Variants in PYHIN1 observed in about 807,000 individuals in gnomAD.
PYHIN1 encodes the protein pyrin and HIN domain-containing protein 1.
PYHIN1 carries 32 observed loss-of-function variants against 43.7 expected under a neutral mutation model. That is an observed-to-expected ratio of 0.73 (90% CI 0.55 to 0.98). The LOEUF is 0.98. Ranked by LOEUF, PYHIN1 falls within the 50% of genes least tolerant of loss-of-function variation. The probability of loss-of-function intolerance (pLI) is 0.00; values close to 1 mark genes in which losing one functional copy is unlikely to be tolerated. For synonymous variants in PYHIN1, 205 were observed against 203.1 expected, an observed-to-expected ratio of 1.01 and a Z score of -0.08; for missense variants, 588 against 589.5, an observed-to-expected ratio of 1.00 and a Z score of 0.03.
At chr1:158,946,205 C>G (rs1649210932) in intron 7 of PYHIN1, among the ~76,000 whole-genome samples, 1 of 152,164 alleles carries the variant, frequency 6.6e-6, no homozygotes. Flanking sequence ...ACAGAAGCCA[C>G]TCTCCAGAAT....
chr1:158,976,868 CTATATATATATATATA>C lies in PYHIN1; in HGVS notation c.*206_*221del, dbSNP rs145640162. The C allele has an allele frequency of 7.2e-3, 1,677 of 231,966 alleles. 30 individuals are homozygous for C. Among genetic ancestry groups the C allele is most frequent in the East Asian group, 0.031 (387 of 12,636 alleles). The allele number at this position is 231,966 out of a possible 1,614,324, so 14.4% of individuals were successfully genotyped here. ...TATGTATATATATCTGGTTGAAATA[CTATATATATATATATA>C]TATATATATATATATATATATATAT... On this transcript the variant is annotated 3_prime_UTR_variant, in exon 9 of 9. Transcript: ENST00000368140.
chr1:158,964,801 T>G (rs913014515), intron 7 of PYHIN1, among the ~76,000 whole-genome samples: 18 of 152,024 alleles, frequency 1.2e-4, no homozygotes, highest in Non-Finnish European at 1.5e-5. Flanking sequence ...GTACACAGAA[T>G]AGTGACACTA....
intron 7 of PYHIN1, among the ~76,000 whole-genome samples, chr1:158,950,132 G>T (rs1414670023): frequency 1.3e-5 from 2 of 152,232 alleles, no homozygotes; most frequent in Admixed American, 6.5e-5. Flanking sequence ...CTGCCCAAGT[G>T]ACAGGGCGAA....
chr1:158,979,757 G>T (rs899044293), downstream of PYHIN1, among the ~76,000 whole-genome samples: 1 of 151,876 alleles, frequency 6.6e-6, no homozygotes, highest in African/African-American at 2.4e-5. Flanking sequence ...TAGATTTAGG[G>T]GCTACATGTG....
At chr1:158,990,231 C>T in the PYHIN1 span, among the ~76,000 whole-genome samples, 2 of 150,320 alleles carry the variant, frequency 1.3e-5, no homozygotes, top group Non-Finnish European at 2.9e-5. Flanking sequence ...AGGTGATCAC[C>T]TTGCATTTAA....
intron 3 of PYHIN1, 99 bp downstream of exon 3, chr1:158,938,641 T>A: frequency 8.1e-7 from 1 of 1,240,040 alleles, no homozygotes; most frequent in Non-Finnish European, 1.1e-6. Context: ...TTTCTTCATA[T>A]GTTTCCCATC....
downstream of PYHIN1, among the ~76,000 whole-genome samples, chr1:158,981,400 G>A (rs776335625): frequency 6.6e-6 from 1 of 152,152 alleles, no homozygotes. Context: ...GAACCTGGGA[G>A]GCAGTGGTTG....
the PYHIN1 span, among the ~76,000 whole-genome samples, chr1:158,986,804 T>C: frequency 2.6e-5 from 4 of 152,192 alleles, no homozygotes; most frequent in Non-Finnish European, 5.9e-5. Context: ...ACCCTCTGTC[T>C]GCGCAATCTG....
chr1:158,945,131 C>A, intron 7 of PYHIN1, 89 bp downstream of exon 7: 1 of 1,301,616 alleles, frequency 7.7e-7, no homozygotes, highest in Non-Finnish European at 1.1e-6. Flanking sequence ...CTTCTAATCC[C>A]TAACTGTGTA....
chr1:158,972,687 T>C (rs1651002625), intron 7 of PYHIN1, among the ~76,000 whole-genome samples: 1 of 152,102 alleles, frequency 6.6e-6, no homozygotes, highest in Non-Finnish European at 1.5e-5. Context: ...TACATGGTAC[T>C]CCCTTTGTCT....
At chr1:158,950,134 C>T (rs915287773) in intron 7 of PYHIN1, among the ~76,000 whole-genome samples, 15 of 152,152 alleles carry the variant, frequency 9.9e-5, no homozygotes, top group African/African-American at 3.1e-4. Context: ...GCCCAAGTGA[C>T]AGGGCGAAAG....
Position 158,973,505 on chromosome 1 carries a change from TCACACA to T in PYHIN1, c.1360-115_1360-110del, listed in dbSNP as rs144676333. 2.5e-3 allele frequency: 1,211 copies of T among 482,696 alleles called. 3 individuals carry two copies. Among genetic ancestry groups the T allele is most frequent in the South Asian group, 5.0e-3 (135 of 27,068 alleles). The allele number at this position is 482,696 out of a possible 1,614,324, so 29.9% of individuals were successfully genotyped here. A position where few individuals can be genotyped will look rare whatever the true frequency, so the allele number is the denominator to read the frequency against. Reference sequence around the variant, plus strand: ...GGGAAGATTCTATAAAAAGGGATTTTCACACACACACACACACACACACACACACAC... The same window carrying T: ...GGGAAGATTCTATAAAAAGGGATTTTCACACACACACACACACACACACAC... On this transcript the variant is annotated intron_variant, in intron 7 of 8. Transcript: ENST00000368140.
intron 7 of PYHIN1, among the ~76,000 whole-genome samples, chr1:158,961,845 G>T (rs1557839590): frequency 6.6e-6 from 1 of 152,164 alleles, no homozygotes; most frequent in African/African-American, 2.4e-5. Flanking sequence ...CTGCAGCTCT[G>T]GCAATAGGGG....
At chr1:158,973,846 C>T (rs1030650149) in intron 8 of PYHIN1, 75 bp downstream of exon 8, 5 of 1,482,494 alleles carry the variant, frequency 3.4e-6, no homozygotes, top group Admixed American at 1.9e-5. Flanking sequence ...CAAAGGGATT[C>T]TCATTTAAAT....
chr1:158,962,116 G>A (rs187625027), intron 7 of PYHIN1, among the ~76,000 whole-genome samples: 28 of 152,236 alleles, frequency 1.8e-4, no homozygotes, highest in Admixed American at 1.6e-3. Flanking sequence ...TGGAGAGTGT[G>A]TGGTGATTAG....
chr1:158,973,889 A>C, intron 8 of PYHIN1, 118 bp downstream of exon 8: 1 of 1,169,060 alleles, frequency 8.6e-7, no homozygotes, highest in South Asian at 1.6e-5. Context: ...ATTTTACTAC[A>C]TTTCTCATTC....
In PYHIN1 at chr1:158,936,974, T is replaced by C. The variant is rs1648587493; in HGVS notation, c.64T>C (p.Phe22Leu). ...KGLEVINDYHFRIVKSLLSND... is the reference protein window; with the variant it reads ...KGLEVINDYHLRIVKSLLSND... ...ATTAGAGGTCATCAATGATTATCAT[T>C]TTAGAATTGTTAAGTCCTTACTGAG... The change falls in exon 2 of 9, where the codon TTT becomes CTT. Residue 22 changes from phenylalanine to leucine, a missense_variant. By Grantham distance (22) the Phe-to-Leu change is conservative (BLOSUM62 0). Transcript: ENST00000368140. 6.2e-7 allele frequency: 1 copy of C among 1,612,506 alleles called. No homozygotes were observed. The highest frequency in any genetic ancestry group is 1.1e-5 in the South Asian group (1 of 90,898).
At chr1:158,986,779 C>G in the PYHIN1 span, among the ~76,000 whole-genome samples, 1 of 152,172 alleles carries the variant, frequency 6.6e-6, no homozygotes, top group African/African-American at 2.4e-5. Flanking sequence ...TCCACTGCAG[C>G]CATTCCTGTG....
At chr1:158,947,982 CAAG>C (rs1193748818) in intron 7 of PYHIN1, among the ~76,000 whole-genome samples, 1 of 152,214 alleles carries the variant, frequency 6.6e-6, no homozygotes, top group Non-Finnish European at 1.5e-5. Flanking sequence ...TCCAGCCTTC[CAAG>C]AAGATTTGTG....
Sources: gnomAD v4.1 joint callset for allele counts (sites outside exome capture counted in the v4.1 genomes callset) on GRCh38, gnomAD v4.1.1 for gene constraint, MANE v1.5 for transcripts, NCBI Gene and HGNC (gene_info 2026-07-23, HGNC 2026-07-21) for gene names.